Variants in RARB observed in about 807,000 individuals in gnomAD.
The protein encoded by RARB is retinoic acid receptor beta.
Under a neutral mutation model 51.9 loss-of-function variants are expected in RARB, and 17 were observed. The ratio of observed to expected loss-of-function variants is 0.33; its 90% CI spans 0.22 to 0.49. RARB has a LOEUF of 0.49. Among genes scored for constraint, RARB ranks in the 20% least tolerant of loss-of-function variants. RARB has a pLI of 0.99. For synonymous variants in RARB, 215 were observed against 195.4 expected, an observed-to-expected ratio of 1.10 and a Z score of -0.84; for missense variants, 369 against 550.8, an observed-to-expected ratio of 0.67 and a Z score of 3.30.
At chr3:25,002,944 A>T (rs1697197535) in intron 2 of RARB, among the ~76,000 whole-genome samples, 3 of 152,154 alleles carry the variant, frequency 2.0e-5, no homozygotes, top group Admixed American at 2.0e-4. Flanking sequence ...TGTTATGATT[A>T]TGATTACTTT....
intron 2 of RARB, among the ~76,000 whole-genome samples, chr3:24,958,245 A>G (rs1389182450): frequency 1.8e-5 from 2 of 112,436 alleles, no homozygotes; most frequent in African/African-American, 3.2e-5. Context: ...AAGCTTCCTG[A>G]GCTGCTCAGG....
Position 25,580,685 on chromosome 3 carries a change from A to G in RARB, c.749A>G (p.Gln250Arg). 2 of 1,609,472 alleles carry G rather than the reference A, an allele frequency of 1.2e-6. No individual in the cohort carries two copies. The highest frequency in any genetic ancestry group is 1.7e-6 in the Non-Finnish European group (2 of 1,176,260). The part of the protein sequence containing the change: ...PGFTGLTIAD[Q>R]ITLLKAACLD... ...TTCACTGGCTTGACCATCGCAGACC[A>G]AATTACCCTGCTGAAGGCCGCCTGC... The change falls in exon 5 of 8, where the codon CAA (glutamine) becomes CGA (arginine). Residue 250 changes from glutamine (Q) to arginine (R), a missense_variant. This residue lies in a region of RARB where 49 missense variants were observed against 103.4 expected (regional missense o/e 0.47). Coordinates refer to ENST00000330688, the MANE Select transcript of RARB (RefSeq NM_000965.5).
intron 3 of RARB, among the ~76,000 whole-genome samples, chr3:25,086,092 T>G (rs75442968): frequency 0.035 from 5,402 of 152,258 alleles, 127 homozygotes; most frequent in Middle Eastern, 0.071. Context: ...GATCTCTTAG[T>G]GACAGATAAC....
At chr3:25,022,485 T>C (rs1033207418) in intron 2 of RARB, among the ~76,000 whole-genome samples, 2 of 152,216 alleles carry the variant, frequency 1.3e-5, no homozygotes, top group African/African-American at 4.8e-5. Context: ...TCTAATTTTT[T>C]AAATTTTTCT....
At chr3:25,137,996 A>G (rs953428203) in intron 4 of RARB, among the ~76,000 whole-genome samples, 1 of 152,168 alleles carries the variant, frequency 6.6e-6, no homozygotes, top group Non-Finnish European at 1.5e-5. Context: ...CTAAGATCAA[A>G]TTTGAGATCT....
At position 25,035,421 on chromosome 3, in the gene RARB, CTTTTTTTTTTTTTT is replaced by C. The variant is rs140970899; in HGVS notation, c.-379-24691_-379-24678del. Among the ~76,000 whole-genome samples the C allele has an allele frequency of 3.8e-3, 460 of 121,620 alleles. 5 individuals carry two copies. The highest frequency in any genetic ancestry group is 4.7e-3 in the Non-Finnish European group (289 of 61,930). The allele number at this position is 121,620 out of a possible 152,430, so 79.8% of individuals were successfully genotyped here. A position where few individuals can be genotyped will look rare whatever the true frequency, so the allele number is the denominator to read the frequency against. On this transcript the variant is annotated intron_variant, in intron 2 of 11. Coordinates refer to the RARB transcript ENST00000383772. ...ACAGTTGTGAGCCGCTGCGTCCAGC[CTTTTTTTTTTTTTT>C]TTTTTTTTTTTTCTCTCAAGGTAGC...
chr3:25,458,587 TA>T (rs889971447), intron 1 of RARB, among the ~76,000 whole-genome samples: 19 of 152,326 alleles, frequency 1.2e-4, no homozygotes, highest in African/African-American at 4.3e-4. Flanking sequence ...AGCCCTTCTA[TA>T]AAACAGTTGC....
intron 2 of RARB, among the ~76,000 whole-genome samples, chr3:24,999,354 C>T (rs1697109574): frequency 6.6e-6 from 1 of 152,112 alleles, no homozygotes; most frequent in Non-Finnish European, 1.5e-5. Context: ...TATTTCCATG[C>T]ATATCAGATT....
At chr3:25,364,158 A>C (rs1246249939) in intron 5 of RARB, among the ~76,000 whole-genome samples, 2 of 152,152 alleles carry the variant, frequency 1.3e-5, no homozygotes, top group Non-Finnish European at 2.9e-5. Flanking sequence ...TTTATTATCC[A>C]GATTCTTCTG....
chr3:25,278,883 G>A (rs1013984435), intron 5 of RARB, among the ~76,000 whole-genome samples: 3 of 152,096 alleles, frequency 2.0e-5, no homozygotes, highest in Non-Finnish European at 2.9e-5. Flanking sequence ...GGTGGCTGTG[G>A]TTTCATTGTA....
intron 2 of RARB, among the ~76,000 whole-genome samples, chr3:25,494,253 G>GCACGCGCGCGCGCGCGCGCGCACACACA (rs1553623182): frequency 4.5e-5 from 6 of 131,966 alleles, no homozygotes; most frequent in African/African-American, 1.6e-4. Context: ...TGTATCTTAC[G>GCACGCGCGCGCGCGCGCGCGCACACACA]CACACACACA....
intron 1 of RARB, among the ~76,000 whole-genome samples, chr3:25,443,540 GA>G (rs1218757376): frequency 6.6e-6 from 1 of 151,786 alleles, no homozygotes; most frequent in Non-Finnish European, 1.5e-5. Flanking sequence ...TAAAACCCGG[GA>G]GGCGGAGGTT....
chr3:25,363,892 G>C (rs1706030459), intron 5 of RARB, among the ~76,000 whole-genome samples: 1 of 152,096 alleles, frequency 6.6e-6, no homozygotes, highest in Non-Finnish European at 1.5e-5. Flanking sequence ...TTACATGACA[G>C]TAGACTCCCA....
chr3:25,005,983 G>A (rs1697263673), intron 2 of RARB, among the ~76,000 whole-genome samples: 1 of 151,888 alleles, frequency 6.6e-6, no homozygotes, highest in Admixed American at 6.6e-5. Flanking sequence ...TTTGCTTATT[G>A]TTCCTACAAG....
intron 3 of RARB, among the ~76,000 whole-genome samples, chr3:25,566,674 A>G (rs527510273): frequency 6.6e-5 from 10 of 152,082 alleles, no homozygotes; most frequent in Non-Finnish European, 1.5e-4. Context: ...CTCTCCTGGT[A>G]ACCCTCTAGA....
intron 5 of RARB, among the ~76,000 whole-genome samples, chr3:25,204,068 A>G (rs892931504): frequency 3.9e-5 from 6 of 152,192 alleles, no homozygotes; most frequent in Admixed American, 6.5e-5. Context: ...GGGTACACCA[A>G]TCAGATGTAG....
At chr3:24,905,321 T>G (rs765247274) in intron 2 of RARB, among the ~76,000 whole-genome samples, 3 of 152,308 alleles carry the variant, frequency 2.0e-5, no homozygotes, top group South Asian at 2.1e-4. Context: ...TCCAATTCTA[T>G]GTCTTCTTGT....
chr3:25,135,340 C>A (rs1025600251), intron 4 of RARB, among the ~76,000 whole-genome samples: 9 of 151,838 alleles, frequency 5.9e-5, no homozygotes, highest in African/African-American at 2.2e-4. Context: ...TCGGATGACA[C>A]AATTCTAAAG....
intron 5 of RARB, among the ~76,000 whole-genome samples, chr3:25,277,803 T>TGAAC (rs1295183639): frequency 6.6e-6 from 1 of 152,196 alleles, no homozygotes. Flanking sequence ...TTTTACAAAG[T>TGAAC]GAACACACAA....
Sources: gnomAD v4.1 joint callset for allele counts (sites outside exome capture counted in the v4.1 genomes callset) on GRCh38, gnomAD v4.1.1 for gene constraint, gnomAD v4.1.1 regional missense constraint, MANE v1.5 for transcripts, NCBI Gene and HGNC (gene_info 2026-07-23, HGNC 2026-07-21) for gene names.